Variants in CELF4 observed in about 807,000 individuals in gnomAD.
The protein encoded by CELF4 is CUGBP Elav-like family member 4, also known as CUG-BP- and ETR-3-like factor 4.
CELF4 carries 18 observed loss-of-function variants against 59.9 expected under a neutral mutation model. That is an observed-to-expected ratio of 0.30 (90% CI 0.21 to 0.45). The LOEUF (loss-of-function observed/expected upper bound fraction) is 0.45. Among genes scored for constraint, CELF4 ranks in the 20% least tolerant of loss-of-function variants. The pLI is 1.00. For synonymous variants in CELF4, 261 were observed against 267.1 expected, an observed-to-expected ratio of 0.98 and a Z score of 0.22; for missense variants, 456 against 689.0, an observed-to-expected ratio of 0.66 and a Z score of 3.79.
chr18:37,508,608 C>A (rs1294748624), intron 1 of CELF4, among the ~76,000 whole-genome samples: 1 of 152,248 alleles, frequency 6.6e-6, no homozygotes, highest in Admixed American at 6.5e-5. Context: ...CTGACAAATG[C>A]CACAGGTGCA....
intron 2 of CELF4, among the ~76,000 whole-genome samples, chr18:37,407,755 C>T (rs1456433547): frequency 2.0e-5 from 3 of 152,100 alleles, no homozygotes. Flanking sequence ...GTCCTTCCCT[C>T]CCCTGCTCCT....
At chr18:37,494,848 C>CT (rs1032672865) in intron 1 of CELF4, among the ~76,000 whole-genome samples, 32 of 152,298 alleles carry the variant, frequency 2.1e-4, no homozygotes, top group African/African-American at 7.7e-4. Flanking sequence ...GAGGTCCTCC[C>CT]TCCCCACCCC....
intron 2 of CELF4, among the ~76,000 whole-genome samples, chr18:37,379,131 T>C (rs1379902948): frequency 6.6e-6 from 1 of 152,194 alleles, no homozygotes; most frequent in Non-Finnish European, 1.5e-5. Flanking sequence ...CATCCAGTTG[T>C]TCACCTGCCT....
At chr18:37,456,234 T>C (rs2099777889) in intron 2 of CELF4, among the ~76,000 whole-genome samples, 1 of 152,160 alleles carries the variant, frequency 6.6e-6, no homozygotes, top group Non-Finnish European at 1.5e-5. Context: ...CTTTTGCTTC[T>C]GAGGCCTTGT....
At chr18:37,397,514 G>C (rs1323766347) in intron 2 of CELF4, among the ~76,000 whole-genome samples, 1 of 152,180 alleles carries the variant, frequency 6.6e-6, no homozygotes, top group Admixed American at 6.5e-5. Context: ...GATTGGTTGG[G>C]ATCCCTAAAC....
intron 2 of CELF4, among the ~76,000 whole-genome samples, chr18:37,438,308 T>C (rs2099700027): frequency 6.6e-6 from 1 of 152,110 alleles, no homozygotes; most frequent in Non-Finnish European, 1.5e-5. Flanking sequence ...CAGATGTCAG[T>C]GTTACCCCTT....
intron 1 of CELF4, among the ~76,000 whole-genome samples, chr18:37,524,018 GC>G (rs2099960607): frequency 6.6e-6 from 1 of 152,226 alleles, no homozygotes; most frequent in Non-Finnish European, 1.5e-5. Flanking sequence ...GTGCCTGGGT[GC>G]CGTGGATATC....
At chr18:37,499,606 T>G (rs1156734091) in intron 1 of CELF4, among the ~76,000 whole-genome samples, 5 of 152,212 alleles carry the variant, frequency 3.3e-5, no homozygotes, top group Non-Finnish European at 7.3e-5. Flanking sequence ...CTGTGAGCTC[T>G]GCAATGGCAG....
At chr18:37,538,929 G>A (rs1050141602) in intron 1 of CELF4, among the ~76,000 whole-genome samples, 19 of 152,076 alleles carry the variant, frequency 1.2e-4, no homozygotes, top group African/African-American at 4.3e-4. Flanking sequence ...CCTCACCCCA[G>A]CACCCCTCTC....
intron 2 of CELF4, among the ~76,000 whole-genome samples, chr18:37,402,713 T>C (rs1171861050): frequency 6.6e-6 from 1 of 152,168 alleles, no homozygotes; most frequent in African/African-American, 2.4e-5. Context: ...TTCAAAAAGA[T>C]CTTTCTCCCC....
intron 1 of CELF4, among the ~76,000 whole-genome samples, chr18:37,559,888 C>T (rs2154606247): frequency 6.6e-6 from 1 of 152,302 alleles, no homozygotes; most frequent in South Asian, 2.1e-4. Context: ...ACACGAGCTC[C>T]CTGATAGAAC....
chr18:37,497,529 G>A (rs536908693), intron 1 of CELF4, among the ~76,000 whole-genome samples: 1 of 152,232 alleles, frequency 6.6e-6, no homozygotes, highest in East Asian at 1.9e-4. Flanking sequence ...GCATGTGCCT[G>A]TAATCCCAGC....
intron 7 of CELF4, among the ~76,000 whole-genome samples, chr18:37,272,537 A>G (rs1287591956): frequency 1.3e-5 from 2 of 151,414 alleles, no homozygotes; most frequent in African/African-American, 4.9e-5. Flanking sequence ...TGTCTTAGAA[A>G]AAGCCAGTGA....
rs114103512 is a variant in CELF4 at position 37,495,825 on chromosome 18, C to T, written c.287-10218G>A. ...ATATCCACAGGGACAGCTCTCTGCC[C>T]TCATGATTTGTGTGCATGTGTGCTT... is the stretch of plus-strand genomic sequence containing the variant. On this transcript the variant is annotated intron_variant, in intron 1 of 12. Transcript: ENST00000420428. Among the ~76,000 whole-genome samples, 407 of 152,074 alleles carry T rather than the reference C, an allele frequency of 2.7e-3. 2 individuals are homozygous for T. The highest frequency in any genetic ancestry group is 9.4e-3 in the African/African-American group (389 of 41,480).
chr18:37,387,608 G>A (rs553439769), intron 2 of CELF4, among the ~76,000 whole-genome samples: 1 of 152,310 alleles, frequency 6.6e-6, no homozygotes, highest in South Asian at 2.1e-4. Flanking sequence ...GTAAAGTTGA[G>A]GACTCTGGTC....
chr18:37,345,379 A>T (rs1030984949), intron 2 of CELF4, among the ~76,000 whole-genome samples: 1 of 152,068 alleles, frequency 6.6e-6, no homozygotes, highest in Non-Finnish European at 1.5e-5. Flanking sequence ...AGGGCAGAAC[A>T]GAGGGTAAGA....
chr18:37,333,699 C>T (rs1327105241), intron 2 of CELF4, among the ~76,000 whole-genome samples: 1 of 151,654 alleles, frequency 6.6e-6, no homozygotes, highest in African/African-American at 2.4e-5. Flanking sequence ...AGCACTGAAG[C>T]TGTTGTTGTG....
downstream of CELF4, among the ~76,000 whole-genome samples, chr18:37,242,853 G>A (rs111750596): frequency 0.01 from 1,546 of 152,246 alleles, 17 homozygotes; most frequent in South Asian, 0.028. Context: ...ATTCTTCCTA[G>A]AGTGGAACAG....
At chr18:37,337,105 C>G (rs2097796068) in intron 2 of CELF4, among the ~76,000 whole-genome samples, 1 of 152,044 alleles carries the variant, frequency 6.6e-6, no homozygotes, top group Non-Finnish European at 1.5e-5. Flanking sequence ...CATCTCCTGT[C>G]TCTGCTTCCT....
Sources: gnomAD v4.1 joint callset for allele counts (sites outside exome capture counted in the v4.1 genomes callset) on GRCh38, gnomAD v4.1.1 for gene constraint, MANE v1.5 for transcripts, NCBI Gene and HGNC (gene_info 2026-07-23, HGNC 2026-07-21) for gene names.